Variants in HMGB1 observed in about 807,000 individuals in gnomAD.
HMGB1 encodes the protein high mobility group protein B1.
For missense variants in HMGB1, 79 were observed against 253.5 expected (o/e 0.31, Z 4.67); for synonymous variants, 81 against 84.0 (o/e 0.96, Z 0.19).
chr13:30,478,397 T>C (rs1369761627), intron 1 of HMGB1, among the ~76,000 whole-genome samples: 2 of 152,236 alleles, frequency 1.3e-5, no homozygotes, highest in East Asian at 3.8e-4. Context: ...TTATTTATAA[T>C]GTGGAAACAA....
intron 1 of HMGB1, among the ~76,000 whole-genome samples, chr13:30,597,366 G>A (rs1871661389): frequency 1.3e-5 from 2 of 152,210 alleles, no homozygotes; most frequent in Non-Finnish European, 1.5e-5. Context: ...GAAGAGTCAT[G>A]GGACAGGTTC....
At chr13:30,530,715 T>G (rs1357235044) in intron 1 of HMGB1, among the ~76,000 whole-genome samples, 1 of 152,190 alleles carries the variant, frequency 6.6e-6, no homozygotes, top group East Asian at 1.9e-4. Flanking sequence ...GTGGAAAGAC[T>G]TTTTTTATAT....
intron 1 of HMGB1, among the ~76,000 whole-genome samples, chr13:30,484,613 T>C (rs1887317337): frequency 6.6e-6 from 1 of 152,136 alleles, no homozygotes; most frequent in Non-Finnish European, 1.5e-5. Context: ...TTCACGCCTG[T>C]AATCCCAGCA....
At position 30,459,327 on chromosome 13, in the gene HMGB1, A is replaced by G. The variant is rs1484997004; in HGVS notation, c.*2030T>C. Reference sequence around the variant, plus strand: ...TCTGTGGTCAAGAATAAACCCTAAAAAAACTGTTCCCATTCTCAACATCTT... The same window carrying G: ...TCTGTGGTCAAGAATAAACCCTAAAGAAACTGTTCCCATTCTCAACATCTT... On this transcript the variant is annotated 3_prime_UTR_variant, in exon 5 of 5. Coordinates refer to ENST00000341423, the MANE Select transcript of HMGB1 (RefSeq NM_002128.7). The G allele has an allele frequency of 1.3e-5, 2 of 152,180 alleles. No individual in the cohort carries two copies. Among genetic ancestry groups the G allele is most frequent in the East Asian group, 3.8e-4 (2 of 5,202 alleles). The allele number at this position is 152,180 out of a possible 1,614,324, so 9.4% of individuals were successfully genotyped here. A position where few individuals can be genotyped will look rare whatever the true frequency, so the allele number is the denominator to read the frequency against.
At chr13:30,508,795 C>T (rs1379352706) in intron 1 of HMGB1, among the ~76,000 whole-genome samples, 1 of 152,204 alleles carries the variant, frequency 6.6e-6, no homozygotes, top group African/African-American at 2.4e-5. Context: ...CACTTTTTCA[C>T]ATTAATCATT....
chr13:30,485,648 A>G (rs140766322), intron 1 of HMGB1, among the ~76,000 whole-genome samples: 167 of 152,346 alleles, frequency 1.1e-3, no homozygotes, highest in African/African-American at 3.8e-3. Context: ...AATCACTAAC[A>G]TCAAAGGAAA....
intron 1 of HMGB1, chr13:30,464,307 A>G: frequency 1.0e-6 from 1 of 985,332 alleles, no homozygotes; most frequent in Non-Finnish European, 1.2e-6. Flanking sequence ...TTTGGCCCTG[A>G]GATGTATTTC....
intron 1 of HMGB1, among the ~76,000 whole-genome samples, chr13:30,492,551 AT>A (rs1321290970): frequency 6.6e-6 from 1 of 152,210 alleles, no homozygotes; most frequent in Non-Finnish European, 1.5e-5. Flanking sequence ...GAAAACACAA[AT>A]TAAAACCACA....
At chr13:30,503,916 T>A (rs1353890729) in intron 1 of HMGB1, among the ~76,000 whole-genome samples, 8 of 151,950 alleles carry the variant, frequency 5.3e-5, no homozygotes, top group African/African-American at 1.9e-4. Flanking sequence ...CTGGGCAACA[T>A]AGCAAGACCC....
chr13:30,501,237 T>C (rs1246822715), intron 1 of HMGB1, among the ~76,000 whole-genome samples: 1 of 152,236 alleles, frequency 6.6e-6, no homozygotes, highest in East Asian at 1.9e-4. Context: ...AAGCTATATA[T>C]ATATGTAAAA....
chr13:30,517,961 C>T lies in HMGB1; in HGVS notation c.-14-54267G>A, dbSNP rs571527351. Among the ~76,000 whole-genome samples the T allele has an allele frequency of 4.6e-5, 7 of 152,278 alleles. No homozygotes were observed. The South Asian group carries it at 1.5e-3, about 32-fold the overall frequency. ...GTTTGCTTTGACTTCCATCGAGTAA[C>T]ATGGAAAACCCAGAGCTGGCCAAGT... On this transcript the variant is annotated intron_variant, in intron 1 of 4. Coordinates refer to the HMGB1 transcript ENST00000405805.
chr13:30,510,814 C>T (rs183119133), intron 1 of HMGB1, among the ~76,000 whole-genome samples: 27 of 152,282 alleles, frequency 1.8e-4, no homozygotes, highest in East Asian at 3.9e-4. Context: ...GCTTAATAAA[C>T]GCTTACTAAT....
At position 30,559,088 on chromosome 13, in the gene HMGB1, A is replaced by G. The variant is rs905579506; in HGVS notation, c.-15+57583T>C. 2.6e-5 allele frequency among the ~76,000 whole-genome samples: 4 copies of G among 152,162 alleles called. No individual in the cohort carries two copies. Among genetic ancestry groups the G allele is most frequent in the Admixed American group, 1.3e-4 (2 of 15,278 alleles). The stretch of plus-strand genomic sequence containing the variant: ...ATAGTTACTTTTAATTTTTAAAAAT[A>G]TCTTTTGAGGACTTCTCTAGAAATA... On this transcript the variant is annotated intron_variant, in intron 1 of 4. Coordinates refer to the HMGB1 transcript ENST00000405805. The surrounding 1 kb of genome is among the most constrained non-coding windows in gnomAD (Gnocchi z 6.6).
intron 1 of HMGB1, among the ~76,000 whole-genome samples, chr13:30,609,539 A>C (rs564299308): frequency 3.9e-5 from 6 of 152,114 alleles, no homozygotes; most frequent in African/African-American, 9.7e-5. Context: ...CTCCCTCCCT[A>C]CATGCTCCTG....
intron 1 of HMGB1, among the ~76,000 whole-genome samples, chr13:30,543,846 T>C (rs1472090790): frequency 1.3e-5 from 2 of 152,230 alleles, no homozygotes; most frequent in African/African-American, 4.8e-5. Context: ...CCAGCCTCTA[T>C]AAAACGAACT....
At chr13:30,536,043 T>C (rs1172761535) in intron 1 of HMGB1, among the ~76,000 whole-genome samples, 1 of 152,234 alleles carries the variant, frequency 6.6e-6, no homozygotes, top group Admixed American at 6.5e-5. Context: ...TATTTTAAAT[T>C]TGATTTTCTT....
upstream of HMGB1, among the ~76,000 whole-genome samples, chr13:30,466,374 AG>A (rs1245054385): frequency 6.6e-6 from 1 of 151,982 alleles, no homozygotes; most frequent in Admixed American, 6.6e-5. Context: ...GCCCTTCAAA[AG>A]TGAGGGCGAC....
At chr13:30,526,436 T>C (rs1470647433) in intron 1 of HMGB1, among the ~76,000 whole-genome samples, 2 of 152,178 alleles carry the variant, frequency 1.3e-5, no homozygotes, top group Non-Finnish European at 2.9e-5. Context: ...TTTATTCCCA[T>C]TTTGCAGATG....
At chr13:30,478,787 C>T (rs1887157843) in intron 1 of HMGB1, among the ~76,000 whole-genome samples, 1 of 152,140 alleles carries the variant, frequency 6.6e-6, no homozygotes, top group Non-Finnish European at 1.5e-5. Flanking sequence ...CCACCTCAGC[C>T]TCCCAAAGTG....
Sources: gnomAD v4.1 joint callset for allele counts (sites outside exome capture counted in the v4.1 genomes callset) on GRCh38, gnomAD v4.1.1 for gene constraint, Gnocchi (gnomAD v3.1) non-coding constraint, MANE v1.5 for transcripts, NCBI Gene and HGNC (gene_info 2026-07-23, HGNC 2026-07-21) for gene names.